Variants in SORCS3 observed in about 807,000 individuals in gnomAD.
SORCS3 encodes sortilin related VPS10 domain containing receptor 3, also known as VPS10 domain-containing receptor SorCS3.
A neutral mutation model predicts 146.3 loss-of-function variants in SORCS3; 57 were observed. The ratio of observed to expected loss-of-function variants is 0.39; its 90% CI spans 0.31 to 0.49. The LOEUF (loss-of-function observed/expected upper bound fraction) is 0.49, where lower values mean the gene tolerates loss of function less well. Among genes scored for constraint, SORCS3 ranks in the 20% least tolerant of loss-of-function variants. The pLI is 0.92. For synonymous variants in SORCS3, 653 were observed against 618.5 expected, an observed-to-expected ratio of 1.06 and a Z score of -0.83; for missense variants, 1,341 against 1,575.5, an observed-to-expected ratio of 0.85 and a Z score of 2.52.
At chr10:104,947,952 C>T (rs1227357880) in intron 3 of SORCS3, among the ~76,000 whole-genome samples, 2 of 152,090 alleles carry the variant, frequency 1.3e-5, no homozygotes, top group Non-Finnish European at 2.9e-5. Context: ...GGCATAGGTA[C>T]TCAAAAAACA....
chr10:104,981,967 A>G (rs1210795139), intron 4 of SORCS3, among the ~76,000 whole-genome samples: 2 of 152,212 alleles, frequency 1.3e-5, no homozygotes, highest in Non-Finnish European at 2.9e-5. Flanking sequence ...ACAGTGGTCT[A>G]GAATTGCCCA....
At chr10:104,859,803 A>C (rs2018379431) in intron 2 of SORCS3, among the ~76,000 whole-genome samples, 4 of 151,870 alleles carry the variant, frequency 2.6e-5, no homozygotes, top group South Asian at 2.1e-4. Context: ...ATGCAGCCAA[A>C]AGACACATGA....
chr10:105,170,674 A>G (rs985485905), intron 13 of SORCS3, among the ~76,000 whole-genome samples: 3 of 152,222 alleles, frequency 2.0e-5, no homozygotes, highest in Non-Finnish European at 2.9e-5. Flanking sequence ...CTCTAAAGCA[A>G]TCCCTCGAAG....
At chr10:104,760,561 A>G (rs2017108548) in intron 1 of SORCS3, among the ~76,000 whole-genome samples, 1 of 152,178 alleles carries the variant, frequency 6.6e-6, no homozygotes, top group Admixed American at 6.5e-5. Flanking sequence ...CTATTTCTTT[A>G]TATACTATTA....
intron 1 of SORCS3, among the ~76,000 whole-genome samples, chr10:104,743,051 T>C (rs2016867909): frequency 6.6e-6 from 1 of 152,190 alleles, no homozygotes; most frequent in African/African-American, 2.4e-5. Context: ...ATAATAATCC[T>C]GTGGGGTGGA....
intron 22 of SORCS3, among the ~76,000 whole-genome samples, chr10:105,251,630 T>C (rs764765920): frequency 6.6e-6 from 1 of 152,094 alleles, no homozygotes; most frequent in Non-Finnish European, 1.5e-5. Flanking sequence ...TCACAAATTA[T>C]ATATTTGGAT....
chr10:104,963,571 A>G (rs908609514), intron 3 of SORCS3, among the ~76,000 whole-genome samples: 3 of 151,806 alleles, frequency 2.0e-5, no homozygotes, highest in African/African-American at 7.3e-5. Context: ...TTTTATCTGT[A>G]TTTGCTGTCA....
At chr10:104,727,723 T>G (rs1330687909) in intron 1 of SORCS3, among the ~76,000 whole-genome samples, 1 of 152,066 alleles carries the variant, frequency 6.6e-6, no homozygotes, top group African/African-American at 2.4e-5. Flanking sequence ...CTGGGCCAGG[T>G]AGCAGGAGGT....
intron 1 of SORCS3, among the ~76,000 whole-genome samples, chr10:104,793,793 C>T (rs189629032): frequency 1.3e-5 from 2 of 152,254 alleles, no homozygotes; most frequent in East Asian, 1.9e-4. Flanking sequence ...AGGTTGGTGT[C>T]TTCCAGGAGG....
At chr10:105,054,570 CTT>C (rs367989644) in intron 5 of SORCS3, among the ~76,000 whole-genome samples, 3 of 143,464 alleles carry the variant, frequency 2.1e-5, no homozygotes, top group Non-Finnish European at 3.1e-5. Flanking sequence ...TATAGGATTT[CTT>C]TTTTTTTTTT....
At chr10:105,221,184 A>G (rs1313546653) in intron 19 of SORCS3, among the ~76,000 whole-genome samples, 3 of 152,330 alleles carry the variant, frequency 2.0e-5, no homozygotes, top group East Asian at 1.9e-4. Context: ...AATAGAAACT[A>G]GGGCATCCAT....
intron 5 of SORCS3, among the ~76,000 whole-genome samples, chr10:105,054,764 C>T (rs1362970216): frequency 2.6e-5 from 4 of 152,086 alleles, no homozygotes; most frequent in Non-Finnish European, 5.9e-5. Flanking sequence ...CTTCTGTGCC[C>T]TGTGGCCAGA....
intron 1 of SORCS3, among the ~76,000 whole-genome samples, chr10:104,722,713 G>A (rs187901134): frequency 1.3e-5 from 2 of 152,188 alleles, no homozygotes; most frequent in Non-Finnish European, 2.9e-5. Flanking sequence ...TTGGGAGGGT[G>A]TATGTGTCGA....
intron 2 of SORCS3, among the ~76,000 whole-genome samples, chr10:104,915,011 G>C (rs2019010232): frequency 6.6e-6 from 1 of 151,788 alleles, no homozygotes; most frequent in East Asian, 1.9e-4. Flanking sequence ...TGTGGGCCAG[G>C]GTTTGGGGAC....
chr10:105,080,799 G>T, intron 5 of SORCS3, among the ~76,000 whole-genome samples: 1 of 151,948 alleles, frequency 6.6e-6, no homozygotes, highest in South Asian at 2.1e-4. Context: ...GCATGATACT[G>T]GTACAAAAAC....
intron 4 of SORCS3, among the ~76,000 whole-genome samples, chr10:105,000,136 A>G (rs180812813): frequency 9.2e-4 from 140 of 152,316 alleles, no homozygotes; most frequent in Non-Finnish European, 1.8e-3. Flanking sequence ...GCCAACAAAA[A>G]GACAAGGACA....
intron 22 of SORCS3, among the ~76,000 whole-genome samples, chr10:105,250,378 C>G (rs915882566): frequency 2.6e-5 from 4 of 152,252 alleles, no homozygotes; most frequent in Admixed American, 2.6e-4. Flanking sequence ...TAAAAAGATA[C>G]TAGCTTTTTA....
At chr10:105,068,695 A>G (rs1177525639) in intron 5 of SORCS3, among the ~76,000 whole-genome samples, 1 of 152,244 alleles carries the variant, frequency 6.6e-6, no homozygotes, top group Non-Finnish European at 1.5e-5. Flanking sequence ...TGTGGCCAGT[A>G]ATAAAGAACT....
At chr10:105,103,812 C>T (rs555351212) in intron 6 of SORCS3, among the ~76,000 whole-genome samples, 2 of 152,286 alleles carry the variant, frequency 1.3e-5, no homozygotes, top group South Asian at 2.1e-4. Context: ...GTAATGAATA[C>T]ATTTCCCATT....
Sources: allele counts gnomAD v4.1 joint callset (sites outside exome capture counted in the v4.1 genomes callset), GRCh38; gene constraint gnomAD v4.1.1; transcripts MANE v1.5; gene names NCBI Gene and HGNC (gene_info 2026-07-23, HGNC 2026-07-21).